The following CNTRL variants were observed in gnomAD, a reference collection of about 807,000 sequenced individuals.
The protein encoded by CNTRL is centriolin.
In CNTRL, 233 loss-of-function variants were observed where a neutral mutation model predicts 303.7. The observed-to-expected ratio is 0.77, with a 90% CI of 0.69 to 0.86. CNTRL has a LOEUF of 0.86. Ranked by LOEUF, CNTRL falls within the 40% of genes least tolerant of loss-of-function variation. The pLI, the probability that CNTRL is intolerant of heterozygous loss-of-function variation, is 0.00. For synonymous variants in CNTRL, 900 were observed against 922.2 expected (o/e 0.98, Z 0.44); for missense variants, 2,524 against 2,650.6 (o/e 0.95, Z 1.05).
At chr9:121,099,172 G>C (rs2049022431) in intron 7 of CNTRL, among the ~76,000 whole-genome samples, 1 of 152,036 alleles carries the variant, frequency 6.6e-6, no homozygotes. Context: ...CCCAGTAGGG[G>C]CTGGCTGATA....
chr9:121,101,443 C>T (rs997835807), intron 7 of CNTRL, among the ~76,000 whole-genome samples: 9 of 152,038 alleles, frequency 5.9e-5, no homozygotes, highest in Non-Finnish European at 2.9e-5. Flanking sequence ...CCACAAGAGA[C>T]AGCAGAAAAG....
chr9:121,175,954 TA>T (rs1440658245), intron 43 of CNTRL, among the ~76,000 whole-genome samples: 1 of 152,206 alleles, frequency 6.6e-6, no homozygotes, highest in Admixed American at 6.5e-5. Flanking sequence ...CTAAGGTCTA[TA>T]AAAACCCTGA....
At chr9:121,077,135 G>A (rs1426049559) in intron 1 of CNTRL, among the ~76,000 whole-genome samples, 6 of 152,074 alleles carry the variant, frequency 3.9e-5, no homozygotes, top group Non-Finnish European at 8.8e-5. Flanking sequence ...GTGTTTTGTT[G>A]CCTGGACGTA....
intron 7 of CNTRL, among the ~76,000 whole-genome samples, chr9:121,100,568 TA>T (rs1265406282): frequency 6.6e-6 from 1 of 152,170 alleles, no homozygotes; most frequent in Non-Finnish European, 1.5e-5. Context: ...ATATTAACCT[TA>T]AATGTAAATG....
intron 31 of CNTRL, 113 bp downstream of exon 31, chr9:121,159,132 C>A: frequency 9.2e-7 from 1 of 1,086,152 alleles, no homozygotes; most frequent in Non-Finnish European, 1.3e-6. Flanking sequence ...GAAATCTTGC[C>A]TCCTCTGTAA....
intron 7 of CNTRL, among the ~76,000 whole-genome samples, chr9:121,103,421 T>C (rs1401602321): frequency 6.6e-6 from 1 of 152,198 alleles, no homozygotes; most frequent in Non-Finnish European, 1.5e-5. Flanking sequence ...AAGACTTAAA[T>C]GTCAGACCTA....
In CNTRL at chr9:121,136,779, C is replaced by T. The variant is rs188809232; in HGVS notation, c.2202+797C>T. ...TACTGTGGATTCTCTAGGGAAAGCA[C>T]AGACATGGTCACCATCCTGTGGAGC... On this transcript the variant is annotated intron_variant, in intron 15 of 43. Coordinates refer to ENST00000373855, the MANE Select transcript of CNTRL (RefSeq NM_007018.6). 1.1e-3 allele frequency among the ~76,000 whole-genome samples: 169 copies of T among 152,300 alleles called. 7 individuals carry two copies. The highest frequency in any genetic ancestry group is 4.1e-4 in the Non-Finnish European group (28 of 68,024).
At chr9:121,099,960 A>T (rs2132657112) in intron 7 of CNTRL, among the ~76,000 whole-genome samples, 1 of 152,388 alleles carries the variant, frequency 6.6e-6, no homozygotes, top group South Asian at 2.1e-4. Context: ...GACAGGGAGA[A>T]TGGAACCAAT....
At chr9:121,147,376 C>CCTA (rs1365428451) in intron 23 of CNTRL, among the ~76,000 whole-genome samples, 140 of 152,144 alleles carry the variant, frequency 9.2e-4, no homozygotes, top group African/African-American at 3.3e-3. Flanking sequence ...ATTATGTAGG[C>CCTA]CATGAGAAAT....
Position 121,096,579 on chromosome 9 carries a change from TAGC to T in CNTRL, c.621+19_621+21del. 7.1e-7 allele frequency: 1 copy of T among 1,408,388 alleles called. No homozygotes were observed. Among genetic ancestry groups the T allele is most frequent in the Non-Finnish European group, 9.4e-7 (1 of 1,067,990 alleles). The allele number at this position is 1,408,388 out of a possible 1,614,324, so 87.2% of individuals were successfully genotyped here. A position where few individuals can be genotyped will look rare whatever the true frequency, so the allele number is the denominator to read the frequency against. On this transcript the variant is annotated intron_variant, in intron 6 of 43. Coordinates refer to ENST00000373855, the MANE Select transcript of CNTRL (RefSeq NM_007018.6). Reference sequence around the variant, plus strand: ...GATATCATCGGTAAGTTATTCAAAATAGCAGGAATTTTTAGACTTGTTAAAAAA... The same window carrying T: ...GATATCATCGGTAAGTTATTCAAAATAGGAATTTTTAGACTTGTTAAAAAA...
chr9:121,113,932 C>T (rs1166046123), intron 10 of CNTRL, among the ~76,000 whole-genome samples: 1 of 152,030 alleles, frequency 6.6e-6, no homozygotes, highest in Non-Finnish European at 1.5e-5. Flanking sequence ...GAGTTTTTGG[C>T]AGTAATTTGA....
In CNTRL at chr9:121,088,556, A is replaced by T; in HGVS notation, c.217+13A>T. 1 of 1,558,188 alleles carries T rather than the reference A, an allele frequency of 6.4e-7. No homozygotes were observed. Among genetic ancestry groups the T allele is most frequent in the Non-Finnish European group, 8.8e-7 (1 of 1,132,286 alleles). ...CAAGACCATAAAGGTATCACTTTTT[A>T]ATCTAAGAATTGGTCTGACCACATA... On this transcript the variant is annotated intron_variant, in intron 3 of 43. Transcript: ENST00000373855.
intron 11 of CNTRL, among the ~76,000 whole-genome samples, chr9:121,117,125 T>C (rs1236124874): frequency 6.6e-6 from 1 of 152,224 alleles, no homozygotes; most frequent in Non-Finnish European, 1.5e-5. Context: ...TTTATACTGT[T>C]CACTTACTTG....
rs1476060707 is a variant in CNTRL, at chr9:121,154,886, G to C, written c.4338G>C (p.Glu1446Asp). Residue 1446 changes from glutamate to aspartate, a missense_variant, in exon 27 of 44, where the codon GAG (glutamate) becomes GAC (aspartate). Coordinates refer to ENST00000373855, the MANE Select transcript of CNTRL (RefSeq NM_007018.6). ...CTGACCGACTCCTGGCAGAGGCTGA[G>C]AGTGAACTTTCATGCACTAAAGAAA... ...READRLLAEA[E>D]SELSCTKEKT... 4 of 1,614,044 alleles carry C rather than the reference G, an allele frequency of 2.5e-6. No homozygotes were observed. Among genetic ancestry groups the C allele is most frequent in the Non-Finnish European group, 3.4e-6 (4 of 1,179,992 alleles).
At chr9:121,127,385 A>G (rs1358921004) in intron 14 of CNTRL, among the ~76,000 whole-genome samples, 1 of 152,160 alleles carries the variant, frequency 6.6e-6, no homozygotes, top group Non-Finnish European at 1.5e-5. Context: ...TAAGTTCAGT[A>G]GATATTGTCA....
intron 14 of CNTRL, among the ~76,000 whole-genome samples, chr9:121,130,989 TGA>T (rs1564246608): frequency 6.6e-6 from 1 of 152,238 alleles, no homozygotes; most frequent in African/African-American, 2.4e-5. Context: ...CACTGTGGTC[TGA>T]GAGACAGTTT....
intron 4 of CNTRL, among the ~76,000 whole-genome samples, chr9:121,094,398 A>C (rs769814825): frequency 3.3e-5 from 5 of 152,154 alleles, no homozygotes; most frequent in Admixed American, 3.3e-4. Flanking sequence ...CTGAACTGTG[A>C]TAATTAATCC....
chr9:121,171,240 GC>G (rs761487494), intron 39 of CNTRL, 167 bp from the exon 40 acceptor site: 2 of 716,200 alleles, frequency 2.8e-6, no homozygotes, highest in Non-Finnish European at 2.5e-6. Flanking sequence ...TATACGCCCA[GC>G]TGTATTTGAT....
chr9:121,146,167 T>C lies in CNTRL; in HGVS notation c.3370T>C (p.Ser1124Pro). Residue 1124 changes from serine to proline, a missense_variant, in exon 23 of 44, where the codon TCT (serine) becomes CCT (proline). Physicochemically the swap from Ser to Pro is moderately conservative, Grantham distance 74 (BLOSUM62 -1). Transcript: ENST00000373855. ...AATTGCTGAACTTCGACGTGAAGTTTCTTATCAGAATGATTACATAAGCAG... is the reference window on the plus strand; with the variant it reads ...AATTGCTGAACTTCGACGTGAAGTTCCTTATCAGAATGATTACATAAGCAG... ...EEIAELRREV[S>P]YQNDYISSMA... is the part of the protein sequence containing the mutation. 6.2e-7 allele frequency: 1 copy of C among 1,613,650 alleles called. No homozygotes were observed. Among genetic ancestry groups the C allele is most frequent in the Non-Finnish European group, 8.5e-7 (1 of 1,179,874 alleles).
Sources: allele counts gnomAD v4.1 joint callset (sites outside exome capture counted in the v4.1 genomes callset), GRCh38; gene constraint gnomAD v4.1.1; transcripts MANE v1.5; gene names NCBI Gene and HGNC (gene_info 2026-07-23, HGNC 2026-07-21).